Variants in CTNNB1 observed in about 807,000 individuals in gnomAD.
CTNNB1 encodes the protein catenin beta 1.
CTNNB1 carries 6 observed loss-of-function variants against 82.5 expected under a neutral mutation model. The ratio of observed to expected loss-of-function variants is 0.07; its 90% CI spans 0.04 to 0.14. The LOEUF (loss-of-function observed/expected upper bound fraction) is 0.14. CTNNB1 is among the 10% of genes least tolerant of loss of function. The probability of loss-of-function intolerance (pLI) is 1.00; values close to 1 mark genes in which losing one functional copy is unlikely to be tolerated. For missense variants in CTNNB1, 529 were observed against 980.4 expected, an observed-to-expected ratio of 0.54 and a Z score of 6.15; for synonymous variants, 312 against 329.7, an observed-to-expected ratio of 0.95 and a Z score of 0.58.
chr3:41,216,745 C>T (rs999160053), intron 1 of CTNNB1, among the ~76,000 whole-genome samples: 2 of 152,090 alleles, frequency 1.3e-5, no homozygotes, highest in Non-Finnish European at 2.9e-5. Context: ...ACAGATATTT[C>T]TAATAATTTA....
chr3:41,219,161 A>G (rs1380458738), intron 1 of CTNNB1, among the ~76,000 whole-genome samples: 1 of 152,208 alleles, frequency 6.6e-6, no homozygotes, highest in Non-Finnish European at 1.5e-5. Context: ...TTATGTTAAT[A>G]TAAGTTGGAG....
In CTNNB1 at chr3:41,225,377, A is replaced by G. The variant is rs757629128; in HGVS notation, c.539A>G (p.Lys180Arg). Residue 180 changes from lysine (K) to arginine (R), a missense_variant, in exon 5 of 15, where the codon AAA becomes AGA. Physicochemically the swap from Lys to Arg is conservative, Grantham distance 26. Transcript: ENST00000349496. This position sits in a 1 kb window ranked among gnomAD's most constrained non-coding sequence, Gnocchi z 5.3. ...KAAVMVHQLS[K>R]KEASRHAIMR... ...GCAGTTATGGTCCATCAGCTTTCTAAAAAGGAAGCTTCCAGACACGCTATC... is the reference window on the plus strand; with the variant it reads ...GCAGTTATGGTCCATCAGCTTTCTAGAAAGGAAGCTTCCAGACACGCTATC... 9 of 1,614,014 alleles carry G rather than the reference A, an allele frequency of 5.6e-6. No individual in the cohort carries two copies. The highest frequency in any genetic ancestry group is 6.8e-6 in the Non-Finnish European group (8 of 1,179,970).
At chr3:41,213,711 AAAT>A in intron 1 of CTNNB1, among the ~76,000 whole-genome samples, 1 of 152,352 alleles carries the variant, frequency 6.6e-6, no homozygotes, top group Admixed American at 6.5e-5. Flanking sequence ...GAAAACAAAA[AAAT>A]ATATACTACT....
intron 1 of CTNNB1, among the ~76,000 whole-genome samples, chr3:41,204,834 G>T (rs1458665462): frequency 6.6e-6 from 1 of 152,190 alleles, no homozygotes; most frequent in Non-Finnish European, 1.5e-5. Flanking sequence ...TGAAATGACT[G>T]GTTCTGTGAA....
chr3:41,233,537 GGAA>G lies in CTNNB1; in HGVS notation c.1196_1198del (p.Glu399del). 1 of 1,614,130 alleles carries G rather than the reference GGAA, an allele frequency of 6.2e-7. No individual in the cohort carries two copies. Among genetic ancestry groups the G allele is most frequent in the Non-Finnish European group, 8.5e-7 (1 of 1,179,996 alleles). ...TGTTTTTATCTCCATAGGAAGGGAT[GGAA>G]GGTCTCCTTGGGACTCTTGTTCAGC... On this transcript the variant is annotated inframe_deletion, in exon 9 of 15. Transcript: ENST00000349496.
In CTNNB1 at chr3:41,233,737, T is replaced by C. The variant is rs2125640071; in HGVS notation, c.1394T>C (p.Ile465Thr). 1 of 1,614,112 alleles carries C rather than the reference T, an allele frequency of 6.2e-7. No homozygotes were observed. The highest frequency in any genetic ancestry group is 8.5e-7 in the Non-Finnish European group (1 of 1,180,016). ...GDREDITEPAICALRHLTSRH... is the reference protein window; with the variant it reads ...GDREDITEPATCALRHLTSRH... ...AGGGAAGACATCACTGAGCCTGCCA[T>C]CTGTGCTCTTCGTCATCTGACCAGC... Residue 465 changes from isoleucine to threonine, a missense_variant, in exon 9 of 15, where the codon ATC becomes ACC. By Grantham distance (89) the Ile-to-Thr change is moderately conservative (BLOSUM62 -1). Transcript: ENST00000349496.
chr3:41,203,193 T>A (rs75020548), intron 1 of CTNNB1, among the ~76,000 whole-genome samples: 2 of 150,522 alleles, frequency 1.3e-5, no homozygotes, highest in African/African-American at 2.4e-5. Flanking sequence ...CCAGTGGATA[T>A]AGTATAATGC....
At chr3:41,222,823 A>G (rs1373195786) in intron 1 of CTNNB1, among the ~76,000 whole-genome samples, 1 of 152,248 alleles carries the variant, frequency 6.6e-6, no homozygotes, top group Non-Finnish European at 1.5e-5. Context: ...AGCTCAGTGT[A>G]GAACATGTTT....
intron 14 of CTNNB1, 45 bp from the exon 15 acceptor site, chr3:41,239,089 T>C (rs772120815): frequency 6.6e-7 from 1 of 1,506,192 alleles, no homozygotes; most frequent in Admixed American, 1.7e-5. Context: ...CCTCTCTCTT[T>C]TGCCTTCCTT....
chr3:41,229,395 G>GT (rs1277480404), intron 7 of CTNNB1, among the ~76,000 whole-genome samples: 1 of 151,888 alleles, frequency 6.6e-6, no homozygotes, highest in Non-Finnish European at 1.5e-5. Context: ...AGTGTTTTTT[G>GT]TAATTCTCAT....
intron 1 of CTNNB1, among the ~76,000 whole-genome samples, chr3:41,204,473 C>T (rs927711043): frequency 2.0e-5 from 3 of 152,172 alleles, no homozygotes; most frequent in Non-Finnish European, 4.4e-5. Flanking sequence ...ATTGGTCTTA[C>T]TACATTGTAG....
chr3:41,236,107 G>T (rs1341761667), intron 11 of CTNNB1: 2 of 694,138 alleles, frequency 2.9e-6, no homozygotes, highest in South Asian at 3.7e-5. Flanking sequence ...ACCAATTCTG[G>T]GTTTTCCAAA....
At chr3:41,227,865 C>T (rs1460995766) in intron 7 of CTNNB1, among the ~76,000 whole-genome samples, 1 of 152,078 alleles carries the variant, frequency 6.6e-6, no homozygotes, top group African/African-American at 2.4e-5. Context: ...GGTAGTTTTT[C>T]AGTTCTTTAC....
intron 1 of CTNNB1, among the ~76,000 whole-genome samples, chr3:41,202,715 TTAAAA>T (rs2077560555): frequency 6.6e-6 from 1 of 152,148 alleles, no homozygotes; most frequent in Admixed American, 6.5e-5. Flanking sequence ...GACCAGTCGG[TTAAAA>T]TAAATACTCA....
In CTNNB1 at chr3:41,239,570, G is replaced by GT. The variant is rs4135244; in HGVS notation, c.*234dup. ...ATGTGTGGAAGTTATTAACTTTAATGTTTTTTGCCACAGCTTTTGCAACTT... is the reference window on the plus strand; with the variant it reads ...ATGTGTGGAAGTTATTAACTTTAATGTTTTTTTGCCACAGCTTTTGCAACTT... On this transcript the variant is annotated 3_prime_UTR_variant, in exon 15 of 15. Transcript: ENST00000349496. 6.4e-4 allele frequency: 368 copies of GT among 571,886 alleles called. No homozygotes were observed. The highest frequency in any genetic ancestry group is 5.1e-3 in the African/African-American group (272 of 53,318). 35.4% of individuals were successfully genotyped at this position (571,886 alleles called of 1,614,324 possible).
chr3:41,234,151 T>C lies in CTNNB1; in HGVS notation c.1537T>C (p.Leu513=). 6.2e-7 allele frequency: 1 copy of C among 1,614,240 alleles called. No individual in the cohort carries two copies. The highest frequency in any genetic ancestry group is 8.5e-7 in the Non-Finnish European group (1 of 1,180,040). The change falls in exon 10 of 15, where the codon TTG becomes CTG. Residue 513 remains leucine, a synonymous_variant. Coordinates refer to ENST00000349496, the MANE Select transcript of CTNNB1 (RefSeq NM_001904.4). ...TTCTGTTTTTCAGGCTACTGTTGGA[T>C]TGATTCGAAATCTTGCCCTTTGTCC... ...HWPLIKATVG[L]IRNLALCPAN... is the part of the protein sequence containing the mutation.
intron 1 of CTNNB1, chr3:41,220,418 C>T (rs2078019735): frequency 8.3e-6 from 1 of 120,550 alleles, no homozygotes; most frequent in Non-Finnish European, 1.7e-5. Flanking sequence ...CCACCCACCC[C>T]ACCCCCCTCC....
At chr3:41,201,352 T>TA (rs35164905) in intron 1 of CTNNB1, among the ~76,000 whole-genome samples, 1 of 151,302 alleles carries the variant, frequency 6.6e-6, no homozygotes, top group South Asian at 2.1e-4. Flanking sequence ...AATCTCTGAT[T>TA]AAAAAAAAAG....
Position 41,233,455 on chromosome 3 carries a change from A to G in CTNNB1, c.1185+11A>G, listed in dbSNP as rs2078358768. ...GCTGCAACTAAACAGGTAAATTCTGAGTAAACTGGTGCCATGGGAATAGAG... is the reference window on the plus strand; with the variant it reads ...GCTGCAACTAAACAGGTAAATTCTGGGTAAACTGGTGCCATGGGAATAGAG... On this transcript the variant is annotated intron_variant, in intron 8 of 14. Coordinates refer to ENST00000349496, the MANE Select transcript of CTNNB1 (RefSeq NM_001904.4). 6.2e-7 allele frequency: 1 copy of G among 1,613,970 alleles called. No individual in the cohort carries two copies. Among genetic ancestry groups the G allele is most frequent in the Non-Finnish European group, 8.5e-7 (1 of 1,179,908 alleles).
Sources: allele counts gnomAD v4.1 joint callset (sites outside exome capture counted in the v4.1 genomes callset), GRCh38; gene constraint gnomAD v4.1.1; non-coding constraint Gnocchi (gnomAD v3.1); transcripts MANE v1.5; gene names NCBI Gene and HGNC (gene_info 2026-07-23, HGNC 2026-07-21).